Variants in NPAS3 observed in about 807,000 individuals in gnomAD.
NPAS3 encodes neuronal PAS domain protein 3, also known as neuronal PAS domain-containing protein 3.
Under a neutral mutation model 73.1 loss-of-function variants are expected in NPAS3, and 14 were observed. The ratio of observed to expected loss-of-function variants is 0.19; its 90% CI spans 0.13 to 0.30. The LOEUF (loss-of-function observed/expected upper bound fraction) is 0.30. Ranked by LOEUF, NPAS3 falls within the 10% of genes least tolerant of loss-of-function variation. The pLI, the probability that NPAS3 is intolerant of heterozygous loss-of-function variation, is 1.00. For missense variants in NPAS3, 1,096 were observed against 1,250.0 expected, an observed-to-expected ratio of 0.88 and a Z score of 1.86; for synonymous variants, 620 against 541.5, an observed-to-expected ratio of 1.14 and a Z score of -2.01.
At position 33,411,324 on chromosome 14, in the gene NPAS3, A is replaced by G. The variant is rs1025556524; in HGVS notation, c.468+44056A>G. ...CAGCCTCCCAAGTGGCTGGGATTACAGGCATCTGCCACTATGCCCAGCTAA... is the reference window on the plus strand; with the variant it reads ...CAGCCTCCCAAGTGGCTGGGATTACGGGCATCTGCCACTATGCCCAGCTAA... On this transcript the variant is annotated intron_variant, in intron 4 of 11. Coordinates refer to ENST00000356141, the Ensembl canonical transcript of NPAS3. Among the ~76,000 whole-genome samples the G allele has an allele frequency of 4.3e-4, 65 of 152,260 alleles. 1 individual carries two copies. The highest frequency in any genetic ancestry group is 1.4e-3 in the African/African-American group (59 of 41,566).
chr14:33,468,396 G>C (rs1285162936), intron 4 of NPAS3, among the ~76,000 whole-genome samples: 1 of 152,190 alleles, frequency 6.6e-6, no homozygotes, highest in Non-Finnish European at 1.5e-5. Context: ...TGGCCACTTG[G>C]TCCTTTCTTG....
chr14:33,737,385 C>T (rs889325966), intron 7 of NPAS3, among the ~76,000 whole-genome samples: 1 of 152,120 alleles, frequency 6.6e-6, no homozygotes, highest in Non-Finnish European at 1.5e-5. Flanking sequence ...AAACAAAAGA[C>T]GTAAAAGTGC....
At chr14:33,212,742 T>C (rs1279066119) in intron 2 of NPAS3, among the ~76,000 whole-genome samples, 1 of 152,234 alleles carries the variant, frequency 6.6e-6, no homozygotes, top group African/African-American at 2.4e-5. Context: ...TTGCTTAATC[T>C]TCTACTTTGC....
At chr14:33,508,415 C>T (rs906787440) in intron 4 of NPAS3, among the ~76,000 whole-genome samples, 2 of 151,964 alleles carry the variant, frequency 1.3e-5, no homozygotes, top group African/African-American at 2.4e-5. Context: ...ATACTAAGTA[C>T]GAAGATGTAA....
intron 4 of NPAS3, among the ~76,000 whole-genome samples, chr14:33,558,377 C>T (rs1421202026): frequency 1.3e-5 from 2 of 152,036 alleles, no homozygotes; most frequent in African/African-American, 4.8e-5. Context: ...TCTTGTGCCT[C>T]ATCCTCCCAA....
intron 1 of NPAS3, among the ~76,000 whole-genome samples, chr14:32,952,642 T>G (rs2036527777): frequency 6.6e-6 from 1 of 151,996 alleles, no homozygotes; most frequent in Non-Finnish European, 1.5e-5. Context: ...AATGGGTAAA[T>G]GTCATGAATT....
At chr14:33,371,575 C>T (rs1344938464) in intron 4 of NPAS3, among the ~76,000 whole-genome samples, 6 of 152,084 alleles carry the variant, frequency 3.9e-5, no homozygotes, top group African/African-American at 1.4e-4. Context: ...TTATTAATGG[C>T]TAAATGCCAT....
intron 4 of NPAS3, among the ~76,000 whole-genome samples, chr14:33,431,591 T>C (rs1433356285): frequency 1.3e-5 from 2 of 152,194 alleles, no homozygotes; most frequent in Non-Finnish European, 2.9e-5. Flanking sequence ...GATTGCTATT[T>C]TAAATATTTG....
intron 1 of NPAS3, among the ~76,000 whole-genome samples, chr14:32,956,235 G>C (rs926547315): frequency 3.9e-4 from 60 of 152,134 alleles, no homozygotes; most frequent in African/African-American, 1.4e-3. Flanking sequence ...AATAATTTAA[G>C]TTGATTAGGC....
At position 33,612,643 on chromosome 14, in the gene NPAS3, G is replaced by T. The variant is rs2057787552; in HGVS notation, c.558+52433G>T. ...TGAGGGGTGCTGGAGGACTTTTAAA[G>T]TGTGGTATTTTAAAGATGTTCTTAA... On this transcript the variant is annotated intron_variant, in intron 5 of 11. Transcript: ENST00000356141. The T allele has an allele frequency of 1.5e-4, 57 of 368,890 alleles. 3 individuals are homozygous for T. The highest frequency in any genetic ancestry group is 1.2e-3 in the South Asian group (57 of 49,174). 22.9% of individuals were successfully genotyped at this position (368,890 alleles called of 1,614,324 possible).
chr14:33,557,653 C>T (rs2055420482), intron 4 of NPAS3, among the ~76,000 whole-genome samples: 1 of 152,202 alleles, frequency 6.6e-6, no homozygotes, highest in African/African-American at 2.4e-5. Flanking sequence ...TTCACTAATC[C>T]TCAATTTCCT....
At chr14:33,590,319 C>A (rs1204803632) in intron 5 of NPAS3, among the ~76,000 whole-genome samples, 1 of 152,086 alleles carries the variant, frequency 6.6e-6, no homozygotes, top group African/African-American at 2.4e-5. Context: ...TTTGTTTTGT[C>A]TTCAGTGGCT....
intron 5 of NPAS3, among the ~76,000 whole-genome samples, chr14:33,566,445 C>G (rs559955422): frequency 7.0e-4 from 106 of 152,214 alleles, no homozygotes; most frequent in Non-Finnish European, 1.3e-3. Context: ...GTTCTTCCCC[C>G]CTTTTCCTTC....
At position 33,350,017 on chromosome 14, in the gene NPAS3, G is replaced by C. The variant is rs542755003; in HGVS notation, c.386-17169G>C. ...AGCCAGTGTTTACTGCTGGTCCTTGGGTGTTAAGCAGCCCTCCACTGCTTT... is the reference window on the plus strand; with the variant it reads ...AGCCAGTGTTTACTGCTGGTCCTTGCGTGTTAAGCAGCCCTCCACTGCTTT... On this transcript the variant is annotated intron_variant, in intron 3 of 11. Transcript: ENST00000356141. 1.9e-4 allele frequency among the ~76,000 whole-genome samples: 29 copies of C among 152,298 alleles called. No individual in the cohort carries two copies. The South Asian group carries it at 5.8e-3, about 31-fold the overall frequency.
At chr14:33,350,032 T>C (rs1244293554) in intron 3 of NPAS3, among the ~76,000 whole-genome samples, 1 of 152,216 alleles carries the variant, frequency 6.6e-6, no homozygotes, top group Non-Finnish European at 1.5e-5. Flanking sequence ...TAAGCAGCCC[T>C]CCACTGCTTT....
chr14:33,211,306 C>T (rs1213722181), intron 2 of NPAS3, among the ~76,000 whole-genome samples: 6 of 152,160 alleles, frequency 3.9e-5, no homozygotes, highest in African/African-American at 9.7e-5. Context: ...TTAGGCTGGG[C>T]GTGGTGGCTC....
At chr14:33,742,493 A>G (rs1595535553) in intron 7 of NPAS3, among the ~76,000 whole-genome samples, 1 of 152,358 alleles carries the variant, frequency 6.6e-6, no homozygotes, top group East Asian at 1.9e-4. Context: ...ATGAATGTGC[A>G]TATCTTAATT....
chr14:33,539,897 C>G (rs1049272452), intron 4 of NPAS3, among the ~76,000 whole-genome samples: 1 of 152,136 alleles, frequency 6.6e-6, no homozygotes, highest in African/African-American at 2.4e-5. Context: ...CACTTGTGTA[C>G]TAATTCCCCT....
intron 6 of NPAS3, among the ~76,000 whole-genome samples, chr14:33,727,528 A>C (rs1475041854): frequency 1.3e-5 from 2 of 152,038 alleles, no homozygotes; most frequent in African/African-American, 4.8e-5. Flanking sequence ...GCCTTCACAA[A>C]GGTGTTTATG....
Sources: gnomAD v4.1 joint callset for allele counts (sites outside exome capture counted in the v4.1 genomes callset) on GRCh38, gnomAD v4.1.1 for gene constraint, MANE v1.5 for transcripts, NCBI Gene and HGNC (gene_info 2026-07-23, HGNC 2026-07-21) for gene names.